The following GSDMC variants were observed in gnomAD, a reference collection of about 807,000 sequenced individuals.
GSDMC encodes gasdermin C.
In GSDMC, 59 loss-of-function variants were observed where a neutral mutation model predicts 58.0. That is an observed-to-expected ratio of 1.02 (90% CI 0.82 to 1.26). The LOEUF (loss-of-function observed/expected upper bound fraction) is 1.26. GSDMC is among the 50% of genes most tolerant of loss of function. The pLI, the probability that GSDMC is intolerant of heterozygous loss-of-function variation, is 0.00. For synonymous variants in GSDMC, 241 were observed against 220.2 expected (o/e 1.09, Z -0.83); for missense variants, 659 against 598.5 (o/e 1.10, Z -1.06).
At chr8:129,716,602 C>A in the GSDMC span, among the ~76,000 whole-genome samples, 1 of 152,070 alleles carries the variant, frequency 6.6e-6, no homozygotes, top group African/African-American at 2.4e-5. Flanking sequence ...ATTTAAATAC[C>A]CTTTATTTCT....
At chr8:129,750,325 T>A in intron 11 of GSDMC, 106 bp downstream of exon 11, 1 of 1,236,834 alleles carries the variant, frequency 8.1e-7, no homozygotes, top group Non-Finnish European at 1.1e-6. Flanking sequence ...CTCATTCCCC[T>A]GGCATCTTGC....
intron 10 of GSDMC, among the ~76,000 whole-genome samples, chr8:129,751,178 T>C (rs182859081): frequency 6.6e-6 from 1 of 152,286 alleles, no homozygotes; most frequent in African/African-American, 2.4e-5. Context: ...CTTATTATCA[T>C]GCAATTTTGC....
At chr8:129,756,204 G>A (rs1272156236) in intron 6 of GSDMC, among the ~76,000 whole-genome samples, 2 of 149,902 alleles carry the variant, frequency 1.3e-5, no homozygotes, top group Non-Finnish European at 3.0e-5. Flanking sequence ...AGCAGAAATA[G>A]CTATACTTAC....
At chr8:129,778,398 T>A (rs2034311099) in intron 1 of GSDMC, among the ~76,000 whole-genome samples, 1 of 152,160 alleles carries the variant, frequency 6.6e-6, no homozygotes, top group Non-Finnish European at 1.5e-5. Context: ...GATACCTGGC[T>A]AGCCATAAGC....
chr8:129,755,967 A>G (rs1348910853), intron 6 of GSDMC, among the ~76,000 whole-genome samples: 3 of 152,012 alleles, frequency 2.0e-5, no homozygotes, highest in Admixed American at 6.6e-5. Flanking sequence ...CCAGAAAACA[A>G]TAACAAAATG....
At chr8:129,756,995 G>C (rs1433436785) in intron 6 of GSDMC, among the ~76,000 whole-genome samples, 1 of 151,578 alleles carries the variant, frequency 6.6e-6, no homozygotes, top group Non-Finnish European at 1.5e-5. Context: ...GCATCTTAAA[G>C]AACTAGAAAA....
the GSDMC span, among the ~76,000 whole-genome samples, chr8:129,741,925 TATATATATATATAC>T: frequency 2.7e-5 from 4 of 145,870 alleles, no homozygotes; most frequent in Admixed American, 2.1e-4. Flanking sequence ...AATATATATA[TATATATATATATAC>T]ATGAAATAAT....
At chr8:129,728,845 T>TGGAGA in the GSDMC span, 1 of 606,774 alleles carries the variant, frequency 1.6e-6, no homozygotes. Flanking sequence ...AGCCCGCTGC[T>TGGAGA]GGAGAGGCTG....
At chr8:129,752,974 T>C in intron 6 of GSDMC, 154 bp from the exon 7 acceptor site, 3 of 1,324,862 alleles carry the variant, frequency 2.3e-6, no homozygotes, top group Non-Finnish European at 3.0e-6. Flanking sequence ...GAATTGCCCA[T>C]TCCTTCTTTC....
the GSDMC span, among the ~76,000 whole-genome samples, chr8:129,732,741 T>C: frequency 1.2e-4 from 18 of 152,294 alleles, no homozygotes; most frequent in African/African-American, 4.3e-4. Flanking sequence ...CCCAGTGTGA[T>C]TGATGCAGAA....
intron 3 of GSDMC, among the ~76,000 whole-genome samples, chr8:129,775,739 A>C (rs1440772999): frequency 6.6e-6 from 1 of 152,180 alleles, no homozygotes; most frequent in Non-Finnish European, 1.5e-5. Flanking sequence ...TGTCTCACTT[A>C]AATTAACACT....
At chr8:129,708,409 GCT>G in the GSDMC span, among the ~76,000 whole-genome samples, 1 of 152,240 alleles carries the variant, frequency 6.6e-6, no homozygotes, top group Non-Finnish European at 1.5e-5. Flanking sequence ...GGCAAATGCG[GCT>G]CTGTCTCCCT....
the GSDMC span, among the ~76,000 whole-genome samples, chr8:129,712,282 G>A: frequency 6.6e-6 from 1 of 152,134 alleles, no homozygotes; most frequent in African/African-American, 2.4e-5. Context: ...TAGGTATACA[G>A]GAATATCATG....
Position 129,766,792 on chromosome 8 carries a change from C to T in GSDMC, c.405-999G>A, listed in dbSNP as rs79063731. On this transcript the variant is annotated intron_variant, in intron 3 of 13. Coordinates refer to ENST00000276708, the MANE Select transcript of GSDMC (RefSeq NM_031415.3). ...TCCCCTGGGCCAATGAGCTCTTCAA[C>T]GGGAAAAAGAGAGCCAAAGTAGATA... 8.5e-3 allele frequency among the ~76,000 whole-genome samples: 1,295 copies of T among 152,184 alleles called. 12 individuals carry two copies. Among genetic ancestry groups the T allele is most frequent in the African/African-American group, 0.03 (1,240 of 41,522 alleles).
intron 11 of GSDMC, 110 bp downstream of exon 11, chr8:129,750,321 C>G (rs780789529): frequency 4.0e-5 from 48 of 1,215,158 alleles, no homozygotes; most frequent in East Asian, 7.0e-5. Flanking sequence ...CTTTCTCATT[C>G]CCCTGGCATC....
chr8:129,784,426 G>A (rs767629009), intron 1 of GSDMC, among the ~76,000 whole-genome samples: 3 of 151,896 alleles, frequency 2.0e-5, no homozygotes, highest in Non-Finnish European at 2.9e-5. Flanking sequence ...ATTAAAATAT[G>A]GGCAAAAGAG....
chr8:129,766,509 G>A lies in GSDMC; in HGVS notation c.405-716C>T, dbSNP rs117176012. 3.4e-3 allele frequency among the ~76,000 whole-genome samples: 512 copies of A among 152,254 alleles called. 1 individual carries two copies. Among genetic ancestry groups the A allele is most frequent in the Non-Finnish European group, 5.4e-3 (366 of 68,004 alleles). The stretch of plus-strand genomic sequence containing the variant: ...GCTTTTCAGTAGAGAAGGTTACTGC[G>A]CACACAATATTAGGTTTTGTCATTG... On this transcript the variant is annotated intron_variant, in intron 3 of 13. Transcript: ENST00000276708.
At chr8:129,732,859 T>C in the GSDMC span, among the ~76,000 whole-genome samples, 91,845 of 152,062 alleles carry the variant, frequency 0.6, 30,548 homozygotes, top group African/African-American at 0.88. Context: ...GGTGGGTCAT[T>C]GCCTCATCCA....
At chr8:129,764,348 G>A (rs1470506969) in intron 4 of GSDMC, among the ~76,000 whole-genome samples, 1 of 152,088 alleles carries the variant, frequency 6.6e-6, no homozygotes, top group African/African-American at 2.4e-5. Flanking sequence ...CTTTTGTACT[G>A]GTTAATTTTC....
Sources: gnomAD v4.1 joint callset for allele counts (sites outside exome capture counted in the v4.1 genomes callset) on GRCh38, gnomAD v4.1.1 for gene constraint, MANE v1.5 for transcripts, NCBI Gene and HGNC (gene_info 2026-07-23, HGNC 2026-07-21) for gene names.